Variants in NUMB observed in about 807,000 individuals in gnomAD.
The protein encoded by NUMB is NUMB endocytic adaptor protein.
A neutral mutation model predicts 59.7 loss-of-function variants in NUMB; 29 were observed. That is an observed-to-expected ratio of 0.49 (90% CI 0.36 to 0.66). The LOEUF (loss-of-function observed/expected upper bound fraction) is 0.66. Ranked by LOEUF, NUMB falls within the 30% of genes least tolerant of loss-of-function variation. The pLI, the probability that NUMB is intolerant of heterozygous loss-of-function variation, is 0.00. For missense variants in NUMB, 723 were observed against 822.0 expected, an observed-to-expected ratio of 0.88 and a Z score of 1.47; for synonymous variants, 288 against 288.2, an observed-to-expected ratio of 1.00 and a Z score of 0.01.
intron 1 of NUMB, among the ~76,000 whole-genome samples, chr14:73,424,627 G>A (rs545761819): frequency 7.9e-5 from 12 of 152,242 alleles, no homozygotes; most frequent in East Asian, 1.9e-4. Context: ...GTGGCATGTC[G>A]TATTATTTCA....
At chr14:73,417,536 A>G (rs1279927530) in intron 1 of NUMB, among the ~76,000 whole-genome samples, 2 of 150,388 alleles carry the variant, frequency 1.3e-5, no homozygotes, top group African/African-American at 4.9e-5. Flanking sequence ...TGGGTGACAA[A>G]GTGAGACCCT....
At chr14:73,442,437 G>C (rs1266583673) in intron 1 of NUMB, among the ~76,000 whole-genome samples, 1 of 152,086 alleles carries the variant, frequency 6.6e-6, no homozygotes, top group Non-Finnish European at 1.5e-5. Flanking sequence ...GAAAACACAT[G>C]TCCACACAAA....
At chr14:73,400,895 C>T (rs1451358702) in intron 2 of NUMB, among the ~76,000 whole-genome samples, 1 of 152,120 alleles carries the variant, frequency 6.6e-6, no homozygotes, top group African/African-American at 2.4e-5. Flanking sequence ...TTTGTAATAC[C>T]CTTTATGATA....
intron 1 of NUMB, among the ~76,000 whole-genome samples, chr14:73,419,293 A>G (rs1423280436): frequency 1.3e-5 from 2 of 152,092 alleles, no homozygotes; most frequent in African/African-American, 2.4e-5. Context: ...GGCGGATCAC[A>G]AGATCAGGAG....
intron 1 of NUMB, among the ~76,000 whole-genome samples, chr14:73,411,314 T>C (rs185745337): frequency 1.5e-4 from 22 of 151,238 alleles, no homozygotes; most frequent in African/African-American, 4.6e-4. Context: ...GTGAGTTTTG[T>C]AGTCGTAGGA....
intron 1 of NUMB, among the ~76,000 whole-genome samples, chr14:73,435,227 T>C (rs1354203398): frequency 5.9e-5 from 9 of 151,674 alleles, no homozygotes; most frequent in Non-Finnish European, 8.8e-5. Context: ...ATTAAAACGG[T>C]ATAACCATTC....
At chr14:73,301,157 A>G (rs1890107486) in intron 6 of NUMB, among the ~76,000 whole-genome samples, 1 of 152,244 alleles carries the variant, frequency 6.6e-6, no homozygotes, top group African/African-American at 2.4e-5. Context: ...AAGAAAAAAT[A>G]CGCTAAATAT....
chr14:73,356,786 T>C (rs955152921), intron 3 of NUMB, among the ~76,000 whole-genome samples: 1 of 152,138 alleles, frequency 6.6e-6, no homozygotes, highest in African/African-American at 2.4e-5. Flanking sequence ...TTTATCTCCC[T>C]GGCTCAAGCA....
At chr14:73,455,253 G>A (rs1053552050) in intron 1 of NUMB, among the ~76,000 whole-genome samples, 1 of 152,000 alleles carries the variant, frequency 6.6e-6, no homozygotes, top group Non-Finnish European at 1.5e-5. Context: ...ATAATCCCCT[G>A]GATTAAAGAT....
intron 2 of NUMB, among the ~76,000 whole-genome samples, chr14:73,372,389 A>ATGTCAG: frequency 1.5e-5 from 2 of 135,942 alleles, no homozygotes; most frequent in East Asian, 4.5e-4. Flanking sequence ...ATAAATGTGT[A>ATGTCAG]TGTCAGTGTA....
chr14:73,431,533 G>C (rs1169569431), intron 1 of NUMB, among the ~76,000 whole-genome samples: 1 of 151,616 alleles, frequency 6.6e-6, no homozygotes, highest in Non-Finnish European at 1.5e-5. Flanking sequence ...GATCACTTGA[G>C]GTCAGGAGTT....
At chr14:73,278,061 A>C (rs866554762) in intron 12 of NUMB, among the ~76,000 whole-genome samples, 1 of 150,822 alleles carries the variant, frequency 6.6e-6, no homozygotes, top group African/African-American at 2.5e-5. Flanking sequence ...AAAAAAAAAA[A>C]AAAAAAACAC....
intron 2 of NUMB, among the ~76,000 whole-genome samples, chr14:73,372,708 A>G (rs991693774): frequency 1.3e-5 from 2 of 151,984 alleles, no homozygotes; most frequent in African/African-American, 2.4e-5. Flanking sequence ...CAAAATTGCT[A>G]ATTCATACCA....
chr14:73,330,052 CTTTT>C (rs1353840487), intron 4 of NUMB, among the ~76,000 whole-genome samples: 4 of 152,100 alleles, frequency 2.6e-5, no homozygotes, highest in African/African-American at 9.7e-5. Flanking sequence ...ATTTTCTTTT[CTTTT>C]GAGACAGGAT....
rs529402830 is a variant in NUMB at position 73,281,651 on chromosome 14, G to C, written c.1096+708C>G. On this transcript the variant is annotated intron_variant, in intron 11 of 12. Coordinates refer to ENST00000555238, the MANE Select transcript of NUMB (RefSeq NM_001005743.2). Reference sequence around the variant, plus strand: ...TGAGTCAATATCCACTATTTAGTCAGTATCTCTGAAAACAACTTTTAACTC... The same window carrying C: ...TGAGTCAATATCCACTATTTAGTCACTATCTCTGAAAACAACTTTTAACTC... The C allele has an allele frequency of 2.0e-5, 3 of 152,328 alleles. No homozygotes were observed. The South Asian group carries it at 6.2e-4, about 32-fold the overall frequency. 9.4% of individuals were successfully genotyped at this position (152,328 alleles called of 1,614,324 possible).
At chr14:73,332,026 C>T (rs1479408013) in intron 4 of NUMB, among the ~76,000 whole-genome samples, 5 of 152,070 alleles carry the variant, frequency 3.3e-5, no homozygotes, top group Non-Finnish European at 5.9e-5. Context: ...TTATGAAGTC[C>T]AAACCTAGGA....
At chr14:73,336,339 C>T (rs1251486729) in intron 4 of NUMB, among the ~76,000 whole-genome samples, 2 of 152,128 alleles carry the variant, frequency 1.3e-5, no homozygotes, top group African/African-American at 2.4e-5. Context: ...ATTTTGCAAC[C>T]CTTAATGAAT....
chr14:73,279,516 T>G (rs564224393), intron 11 of NUMB, 92 bp from the exon 12 acceptor site: 1 of 1,237,028 alleles, frequency 8.1e-7, no homozygotes, highest in East Asian at 2.5e-5. Context: ...GAATGTACAA[T>G]ACTGGTGGAA....
In NUMB at chr14:73,398,392, C is replaced by CAG. The variant is rs1171734636; in HGVS notation, c.-101+11543_-101+11544dup. Among the ~76,000 whole-genome samples, 1,091 of 133,764 alleles carry CAG rather than the reference C, an allele frequency of 8.2e-3. 11 individuals are homozygous for CAG. Among genetic ancestry groups the CAG allele is most frequent in the Middle Eastern group, 0.025 (6 of 242 alleles). 87.8% of individuals were successfully genotyped at this position (133,764 alleles called of 152,430 possible). A position where few individuals can be genotyped will look rare whatever the true frequency, so the allele number is the denominator to read the frequency against. On this transcript the variant is annotated intron_variant, in intron 2 of 12. Transcript: ENST00000555238. ...TTTGTATATGAGAGAGAGACACACA[C>CAG]AGAGAGAGAGAGAGAGAGAGAGAGT...
Sources: allele counts gnomAD v4.1 joint callset (sites outside exome capture counted in the v4.1 genomes callset), GRCh38; gene constraint gnomAD v4.1.1; transcripts MANE v1.5; gene names NCBI Gene and HGNC (gene_info 2026-07-23, HGNC 2026-07-21).